SORCS1: variants seen among roughly 807,000 people sequenced by gnomAD.
The protein encoded by SORCS1 is VPS10 domain-containing receptor SorCS1.
In SORCS1, 60 loss-of-function variants were observed where a neutral mutation model predicts 146.1. The ratio of observed to expected loss-of-function variants is 0.41; its 90% CI spans 0.33 to 0.51. The LOEUF (loss-of-function observed/expected upper bound fraction) is 0.51, where lower values mean the gene tolerates loss of function less well. Among genes scored for constraint, SORCS1 ranks in the 20% least tolerant of loss-of-function variants. SORCS1 has a pLI of 0.21. For synonymous variants in SORCS1, 637 were observed against 584.0 expected (o/e 1.09, Z -1.31); for missense variants, 1,352 against 1,487.6 (o/e 0.91, Z 1.50).
At chr10:106,762,386 CTTTTTTTTT>C (rs869195563) in intron 4 of SORCS1, among the ~76,000 whole-genome samples, 1 of 73,828 alleles carries the variant, frequency 1.4e-5, no homozygotes, top group East Asian at 4.9e-4. Flanking sequence ...TTTTATTATT[CTTTTTTTTT>C]TTTTTTTTTT....
intron 4 of SORCS1, among the ~76,000 whole-genome samples, chr10:106,775,369 G>GAAA (rs145104778): frequency 2.7e-4 from 40 of 150,522 alleles, no homozygotes; most frequent in African/African-American, 8.5e-4. Flanking sequence ...TGCTCAACAG[G>GAAA]AAAAAAAAAT....
intron 1 of SORCS1, among the ~76,000 whole-genome samples, chr10:106,963,272 C>T (rs1276212429): frequency 2.0e-5 from 3 of 151,814 alleles, no homozygotes; most frequent in South Asian, 2.1e-4. Flanking sequence ...CCCACCACCA[C>T]GCCCGGCTAA....
chr10:106,937,322 C>G (rs895699707), intron 2 of SORCS1, among the ~76,000 whole-genome samples: 2 of 149,728 alleles, frequency 1.3e-5, no homozygotes, highest in African/African-American at 5.0e-5. Flanking sequence ...AGGTGCCCAC[C>G]ACCATGCCCA....
intron 5 of SORCS1, among the ~76,000 whole-genome samples, chr10:106,732,433 C>T (rs1418448512): frequency 6.6e-6 from 1 of 152,158 alleles, no homozygotes; most frequent in Non-Finnish European, 1.5e-5. Flanking sequence ...GACAAGACTG[C>T]AAGTCATGAG....
chr10:106,640,111 T>C (rs1028182755), intron 18 of SORCS1, among the ~76,000 whole-genome samples: 5 of 152,194 alleles, frequency 3.3e-5, no homozygotes, highest in Non-Finnish European at 5.9e-5. Context: ...TAGCCTTTTC[T>C]CCAGATGAAA....
intron 18 of SORCS1, among the ~76,000 whole-genome samples, chr10:106,636,120 T>C (rs892345950): frequency 1.2e-4 from 18 of 152,202 alleles, no homozygotes; most frequent in Admixed American, 3.3e-4. Flanking sequence ...TCTAGTTGGG[T>C]GCAGTGGCTC....
At chr10:107,011,085 T>TA (rs977004912) in intron 1 of SORCS1, among the ~76,000 whole-genome samples, 20 of 152,078 alleles carry the variant, frequency 1.3e-4, no homozygotes, top group African/African-American at 4.6e-4. Flanking sequence ...GGAAAGAAAA[T>TA]AATAATAATT....
chr10:106,763,333 A>G (rs1232195439), intron 4 of SORCS1, among the ~76,000 whole-genome samples: 1 of 152,060 alleles, frequency 6.6e-6, no homozygotes, highest in East Asian at 1.9e-4. Context: ...TGTATCCCCT[A>G]AGCTTGAATC....
intron 3 of SORCS1, among the ~76,000 whole-genome samples, chr10:106,822,277 T>C (rs1162338260): frequency 1.3e-5 from 2 of 152,176 alleles, no homozygotes; most frequent in South Asian, 2.1e-4. Flanking sequence ...TAAACTAATA[T>C]AGAATATATG....
chr10:107,092,579 A>T (rs1326945176), intron 1 of SORCS1, among the ~76,000 whole-genome samples: 1 of 152,176 alleles, frequency 6.6e-6, no homozygotes, highest in Non-Finnish European at 1.5e-5. Context: ...GGGCTCCTTC[A>T]TTCTTCTTAC....
intron 4 of SORCS1, among the ~76,000 whole-genome samples, chr10:106,774,281 C>T (rs975337150): frequency 3.3e-5 from 5 of 152,126 alleles, no homozygotes; most frequent in Non-Finnish European, 5.9e-5. Flanking sequence ...GATATTACTA[C>T]TGATTAACGC....
chr10:106,837,558 T>C (rs1948838236), intron 2 of SORCS1, among the ~76,000 whole-genome samples: 1 of 150,362 alleles, frequency 6.7e-6, no homozygotes, highest in Non-Finnish European at 1.5e-5. Flanking sequence ...AAAGCCCCCT[T>C]TGGGGTAACT....
intron 2 of SORCS1, among the ~76,000 whole-genome samples, chr10:106,915,915 C>T (rs1378668192): frequency 6.6e-6 from 1 of 152,144 alleles, no homozygotes; most frequent in African/African-American, 2.4e-5. Flanking sequence ...GCAATGGAAA[C>T]TTCTAGGAGA....
intron 1 of SORCS1, among the ~76,000 whole-genome samples, chr10:106,995,051 G>A (rs569954658): frequency 7.2e-5 from 11 of 152,184 alleles, no homozygotes; most frequent in African/African-American, 2.4e-4. Flanking sequence ...GGTGGCTCAC[G>A]CCTGTAATCC....
chr10:107,114,721 T>C (rs1460486984), intron 1 of SORCS1, among the ~76,000 whole-genome samples: 1 of 152,140 alleles, frequency 6.6e-6, no homozygotes, highest in East Asian at 1.9e-4. Context: ...CTCTCATCAC[T>C]TCTACTCAAC....
At chr10:107,164,984 T>C (rs1345011746), upstream of SORCS1, among the ~76,000 whole-genome samples, 3 of 150,934 alleles carry the variant, frequency 2.0e-5, no homozygotes, top group East Asian at 2.0e-4. This position sits in a 1 kb window ranked among gnomAD's most constrained non-coding sequence, Gnocchi z 6.8. Context: ...GTCCCGGCGC[T>C]GAGTCCGCGC....
At chr10:106,998,981 T>C (rs1371611394) in intron 1 of SORCS1, among the ~76,000 whole-genome samples, 2 of 152,210 alleles carry the variant, frequency 1.3e-5, no homozygotes, top group African/African-American at 4.8e-5. Context: ...TGAATAATTC[T>C]TGGAATCTGA....
chr10:106,731,563 T>C (rs944161344), intron 5 of SORCS1, among the ~76,000 whole-genome samples: 3 of 152,202 alleles, frequency 2.0e-5, no homozygotes, highest in African/African-American at 7.2e-5. Flanking sequence ...TCACTTCCTC[T>C]GTTAAATATG....
Position 107,130,404 on chromosome 10 carries a change from T to C in SORCS1, c.558+33565A>G, listed in dbSNP as rs1292989267. 2.6e-5 allele frequency among the ~76,000 whole-genome samples: 4 copies of C among 152,370 alleles called. No individual in the cohort carries two copies. The South Asian group carries it at 8.3e-4, about 32-fold the overall frequency. ...AATAGTTTTAAAGTAGAAAACATAT[T>C]GCTAAAGCAGTAACAGATGTTAAAT... On this transcript the variant is annotated intron_variant, in intron 1 of 25. Coordinates refer to ENST00000263054, the MANE Select transcript of SORCS1 (RefSeq NM_052918.5).
Sources: allele counts gnomAD v4.1 joint callset (sites outside exome capture counted in the v4.1 genomes callset), GRCh38; gene constraint gnomAD v4.1.1; non-coding constraint Gnocchi (gnomAD v3.1); transcripts MANE v1.5; gene names NCBI Gene and HGNC (gene_info 2026-07-23, HGNC 2026-07-21).